CAMK4: variants seen among roughly 807,000 people sequenced by gnomAD.
CAMK4 encodes the protein calcium/calmodulin dependent protein kinase IV, also known as calcium/calmodulin-dependent protein kinase type IV.
CAMK4 carries 22 observed loss-of-function variants against 44.9 expected under a neutral mutation model. That is an observed-to-expected ratio of 0.49 (90% CI 0.35 to 0.70). The LOEUF is 0.70. CAMK4 is among the 30% of genes least tolerant of loss of function. The pLI is 0.01. For missense variants in CAMK4, 498 were observed against 586.8 expected (o/e 0.85, Z 1.56); for synonymous variants, 218 against 215.4 (o/e 1.01, Z -0.11).
chr5:111,451,907 G>T (rs978931015), intron 7 of CAMK4, among the ~76,000 whole-genome samples: 2 of 152,122 alleles, frequency 1.3e-5, no homozygotes, highest in East Asian at 3.8e-4. Flanking sequence ...TCAGGGAAAA[G>T]AAAAAGTATT....
rs1755623123 is a variant in CAMK4, at chr5:111,486,453, CATTTAA to C, written c.*1988_*1993del. Reference sequence around the variant, plus strand: ...CTTCTTTGTTAAGCATTAAGATTTCCATTTAAGAGGATCAATTTCCTGTTGTACTTT... The same window carrying C: ...CTTCTTTGTTAAGCATTAAGATTTCCGAGGATCAATTTCCTGTTGTACTTT... On this transcript the variant is annotated 3_prime_UTR_variant, in exon 11 of 11. Coordinates refer to ENST00000282356, the MANE Select transcript of CAMK4 (RefSeq NM_001744.6). 1 of 149,444 alleles carries C rather than the reference CATTTAA, an allele frequency of 6.7e-6. No homozygotes were observed. Among genetic ancestry groups the C allele is most frequent in the South Asian group, 2.1e-4 (1 of 4,710 alleles). The allele number at this position is 149,444 out of a possible 1,614,324, so 9.3% of individuals were successfully genotyped here.
At chr5:111,225,825 T>A (rs1748162596) in intron 1 of CAMK4, among the ~76,000 whole-genome samples, 1 of 152,198 alleles carries the variant, frequency 6.6e-6, no homozygotes, top group South Asian at 2.1e-4. Context: ...GAATGAAAAT[T>A]CAGTGATTTG....
At chr5:111,381,757 G>T (rs1014506433) in intron 4 of CAMK4, among the ~76,000 whole-genome samples, 2 of 152,028 alleles carry the variant, frequency 1.3e-5, no homozygotes, top group African/African-American at 4.8e-5. Flanking sequence ...TATTGAGTTT[G>T]TTTTTATTTT....
intron 1 of CAMK4, among the ~76,000 whole-genome samples, chr5:111,243,174 A>C (rs1355289922): frequency 3.3e-5 from 5 of 152,176 alleles, no homozygotes; most frequent in Admixed American, 6.5e-5. Context: ...TGGGGAAGAG[A>C]AAGATTGGGC....
intron 5 of CAMK4, among the ~76,000 whole-genome samples, chr5:111,399,297 ACTT>A (rs1288828210): frequency 6.6e-6 from 1 of 151,990 alleles, no homozygotes; most frequent in East Asian, 1.9e-4. Context: ...TCATTTCTCT[ACTT>A]CTTTCAGGTC....
intron 5 of CAMK4, among the ~76,000 whole-genome samples, chr5:111,420,878 T>C (rs1008220155): frequency 7.9e-5 from 12 of 152,228 alleles, no homozygotes; most frequent in African/African-American, 2.9e-4. Context: ...GATTTCATAT[T>C]GCTCAAACAC....
chr5:111,370,702 G>A lies in CAMK4; in HGVS notation c.241-4148G>A, dbSNP rs1004060201. ...GAGGCCGACATGGGTGGATCACGAGGTCAAGAGACAGAGACCATCCTGGCC... is the reference window on the plus strand; with the variant it reads ...GAGGCCGACATGGGTGGATCACGAGATCAAGAGACAGAGACCATCCTGGCC... On this transcript the variant is annotated intron_variant, in intron 2 of 10. Transcript: ENST00000282356. 1.1e-4 allele frequency among the ~76,000 whole-genome samples: 16 copies of A among 152,198 alleles called. 1 individual carries two copies. The East Asian group carries it at 1.4e-3, about 13-fold the overall frequency.
At chr5:111,461,097 C>T (rs1754627133) in intron 7 of CAMK4, among the ~76,000 whole-genome samples, 2 of 152,086 alleles carry the variant, frequency 1.3e-5, no homozygotes, top group South Asian at 4.2e-4. Flanking sequence ...ATCAAGAGCC[C>T]TGGAGGAAGG....
intron 4 of CAMK4, among the ~76,000 whole-genome samples, chr5:111,391,843 TG>T (rs1260342625): frequency 6.6e-6 from 1 of 152,202 alleles, no homozygotes; most frequent in Non-Finnish European, 1.5e-5. Context: ...AAAAATTCTT[TG>T]CCCACATTCA....
chr5:111,251,743 A>G (rs79454255), intron 1 of CAMK4, among the ~76,000 whole-genome samples: 1 of 152,286 alleles, frequency 6.6e-6, no homozygotes, highest in East Asian at 1.9e-4. Context: ...TGAGAATGTG[A>G]TACAGAGCTG....
intron 5 of CAMK4, among the ~76,000 whole-genome samples, chr5:111,442,881 G>C (rs1359081038): frequency 6.7e-6 from 1 of 148,886 alleles, no homozygotes; most frequent in Non-Finnish European, 1.5e-5. Context: ...AAATTAATAG[G>C]CATTTTAATT....
intron 4 of CAMK4, among the ~76,000 whole-genome samples, chr5:111,381,339 C>T (rs1751404670): frequency 6.6e-6 from 1 of 152,134 alleles, no homozygotes; most frequent in African/African-American, 2.4e-5. Context: ...GCCAGGAAGC[C>T]AGTCTGAGTT....
chr5:111,229,152 C>T (rs554217123), intron 1 of CAMK4, among the ~76,000 whole-genome samples: 1 of 152,356 alleles, frequency 6.6e-6, no homozygotes, highest in East Asian at 1.9e-4. Flanking sequence ...GTTGATATAA[C>T]AAGATGTCTT....
At chr5:111,264,125 G>A (rs1750121902) in intron 1 of CAMK4, among the ~76,000 whole-genome samples, 1 of 152,148 alleles carries the variant, frequency 6.6e-6, no homozygotes, top group Non-Finnish European at 1.5e-5. Flanking sequence ...ATGTAGTTTG[G>A]TGTGATGTTG....
intron 8 of CAMK4, among the ~76,000 whole-genome samples, chr5:111,477,636 C>A (rs1755294065): frequency 6.6e-6 from 1 of 152,172 alleles, no homozygotes; most frequent in Non-Finnish European, 1.5e-5. Context: ...TCCCTTTTAT[C>A]CCACTTTTCC....
At chr5:111,409,442 G>A (rs941622847) in intron 5 of CAMK4, among the ~76,000 whole-genome samples, 1 of 152,216 alleles carries the variant, frequency 6.6e-6, no homozygotes, top group African/African-American at 2.4e-5. Flanking sequence ...CACAGCAGGG[G>A]AGCCCTGGGT....
rs1057294921 is a variant in CAMK4, at chr5:111,489,626, A to G, written c.*5160A>G. 6.6e-6 allele frequency: 1 copy of G among 152,222 alleles called. No individual in the cohort carries two copies. The highest frequency in any genetic ancestry group is 2.4e-5 in the African/African-American group (1 of 41,456). 9.4% of individuals were successfully genotyped at this position (152,222 alleles called of 1,614,324 possible). On this transcript the variant is annotated 3_prime_UTR_variant, in exon 11 of 11. Coordinates refer to ENST00000282356, the MANE Select transcript of CAMK4 (RefSeq NM_001744.6). ...GGCAAAATAGAAGCCTTGCCGAGAA[A>G]GTGAACTGTCTTACTCCTTCAAAGG...
intron 2 of CAMK4, among the ~76,000 whole-genome samples, chr5:111,346,692 T>G (rs405964): frequency 0.92 from 139,228 of 151,936 alleles, 63,901 homozygotes; most frequent in East Asian, 1. Context: ...GAGAAGATCT[T>G]TTCCATGCCT....
rs929750070 is a variant in CAMK4 at position 111,378,408 on chromosome 5, T to C, written c.386+1466T>C. 3.7e-4 allele frequency among the ~76,000 whole-genome samples: 56 copies of C among 152,256 alleles called. 1 individual carries two copies. The highest frequency in any genetic ancestry group is 1.2e-4 in the Non-Finnish European group (8 of 68,008). The stretch of plus-strand genomic sequence containing the variant: ...CCATACTCTACCCAGTTAAATTTGC[T>C]GCCTCTTCAAGAGCTTTCAAAAGTA... On this transcript the variant is annotated intron_variant, in intron 4 of 10. Coordinates refer to ENST00000282356, the MANE Select transcript of CAMK4 (RefSeq NM_001744.6).
Sources: allele counts gnomAD v4.1 joint callset (sites outside exome capture counted in the v4.1 genomes callset), GRCh38; gene constraint gnomAD v4.1.1; transcripts MANE v1.5; gene names NCBI Gene and HGNC (gene_info 2026-07-23, HGNC 2026-07-21).